The following DGKI variants were observed in gnomAD, a reference collection of about 807,000 sequenced individuals.
DGKI encodes the protein diacylglycerol kinase iota, also known as DAG kinase iota.
DGKI carries 55 observed loss-of-function variants against 147.5 expected under a neutral mutation model. The ratio of observed to expected loss-of-function variants is 0.37; its 90% CI spans 0.30 to 0.47. The LOEUF is 0.47. DGKI is among the 20% of genes least tolerant of loss of function. The pLI is 1.00. For missense variants in DGKI, 1,007 were observed against 1,323.8 expected (o/e 0.76, Z 3.71); for synonymous variants, 469 against 477.1 (o/e 0.98, Z 0.22).
intron 2 of DGKI, among the ~76,000 whole-genome samples, chr7:137,689,082 C>A (rs912174489): frequency 6.6e-6 from 1 of 152,218 alleles, no homozygotes; most frequent in Non-Finnish European, 1.5e-5. Flanking sequence ...CCCCACCCCA[C>A]CTTTCTCTTT....
intron 21 of DGKI, among the ~76,000 whole-genome samples, chr7:137,521,171 A>C (rs1700523804): frequency 6.6e-6 from 1 of 151,976 alleles, no homozygotes; most frequent in Non-Finnish European, 1.5e-5. Context: ...TTACCTCATA[A>C]ATTATTATAC....
intron 1 of DGKI, among the ~76,000 whole-genome samples, chr7:137,690,229 T>C (rs1023142515): frequency 1.3e-5 from 2 of 152,136 alleles, no homozygotes; most frequent in Admixed American, 1.3e-4. Flanking sequence ...TGTGGGGAAA[T>C]AGTGCTTCAG....
At chr7:137,754,911 C>A (rs915973905) in intron 1 of DGKI, among the ~76,000 whole-genome samples, 2 of 152,170 alleles carry the variant, frequency 1.3e-5, no homozygotes, top group African/African-American at 2.4e-5. Flanking sequence ...CGTGATGGAA[C>A]TTTCAGGGTT....
chr7:137,442,174 C>G (rs1418541024), intron 28 of DGKI, among the ~76,000 whole-genome samples: 1 of 151,988 alleles, frequency 6.6e-6, no homozygotes, highest in Non-Finnish European at 1.5e-5. Context: ...TTTTTGAAGC[C>G]ATGAAATTAT....
chr7:137,749,710 G>A (rs1002521866), intron 1 of DGKI, among the ~76,000 whole-genome samples: 5 of 152,000 alleles, frequency 3.3e-5, no homozygotes, highest in Admixed American at 6.6e-5. Flanking sequence ...GAGGAATCAG[G>A]GTCCCTGAGT....
chr7:137,437,683 C>T (rs559770574), intron 28 of DGKI, among the ~76,000 whole-genome samples: 14 of 152,234 alleles, frequency 9.2e-5, no homozygotes, highest in African/African-American at 3.1e-4. Flanking sequence ...AACCAAGTCA[C>T]TCCCAAAGGA....
At chr7:137,516,261 C>G (rs1273289610) in intron 21 of DGKI, among the ~76,000 whole-genome samples, 2 of 152,060 alleles carry the variant, frequency 1.3e-5, no homozygotes, top group African/African-American at 4.8e-5. Flanking sequence ...AGGAAATATG[C>G]TGATGAAAAA....
intron 3 of DGKI, among the ~76,000 whole-genome samples, chr7:137,671,398 A>G (rs972418284): frequency 6.6e-6 from 1 of 152,196 alleles, no homozygotes; most frequent in African/African-American, 2.4e-5. Context: ...CAGCAGCAAA[A>G]TGACAGGTGA....
chr7:137,593,112 A>G (rs542379206), intron 12 of DGKI, among the ~76,000 whole-genome samples: 1 of 152,336 alleles, frequency 6.6e-6, no homozygotes, highest in East Asian at 1.9e-4. Context: ...CAATAGAACA[A>G]GAAATAAGCA....
At chr7:137,713,875 C>T (rs749630236) in intron 1 of DGKI, among the ~76,000 whole-genome samples, 4 of 152,138 alleles carry the variant, frequency 2.6e-5, no homozygotes, top group African/African-American at 9.7e-5. Flanking sequence ...CTGGCCTCAA[C>T]TTATCCTCCC....
intron 1 of DGKI, among the ~76,000 whole-genome samples, chr7:137,782,225 T>C (rs1585484912): frequency 1.3e-5 from 2 of 152,094 alleles, no homozygotes; most frequent in African/African-American, 4.8e-5. Context: ...ACTGGCTGCC[T>C]GGAAATAGAC....
intron 5 of DGKI, among the ~76,000 whole-genome samples, chr7:137,646,741 T>C (rs1050557862): frequency 6.6e-6 from 1 of 152,176 alleles, no homozygotes; most frequent in Admixed American, 6.5e-5. Flanking sequence ...GAATATATAT[T>C]CAATTATTCA....
intron 22 of DGKI, among the ~76,000 whole-genome samples, chr7:137,485,837 G>C (rs6951059): frequency 0.12 from 17,573 of 152,058 alleles, 1,160 homozygotes; most frequent in African/African-American, 0.19. Context: ...CCTCAGACCA[G>C]ATACATACTG....
intron 1 of DGKI, among the ~76,000 whole-genome samples, chr7:137,707,011 G>A (rs916026579): frequency 5.9e-5 from 9 of 152,164 alleles, no homozygotes; most frequent in Admixed American, 4.6e-4. Context: ...TTTTCCAACA[G>A]CTATTTCCCC....
chr7:137,482,528 A>G (rs1815408328), intron 23 of DGKI, among the ~76,000 whole-genome samples: 2 of 151,846 alleles, frequency 1.3e-5, no homozygotes, highest in African/African-American at 4.8e-5. Flanking sequence ...ATATTCGTAT[A>G]CCCAACTGCC....
chr7:137,406,205 A>C (rs1811941446), intron 30 of DGKI, among the ~76,000 whole-genome samples: 1 of 152,248 alleles, frequency 6.6e-6, no homozygotes, highest in African/African-American at 2.4e-5. Flanking sequence ...ACCTGAGCTA[A>C]ACAAAAATAA....
rs987734478 is a variant in DGKI at position 137,390,856 on chromosome 7, A to C, written c.*364T>G. The C allele has an allele frequency of 8.5e-6, 2 of 234,804 alleles. No homozygotes were observed. The highest frequency in any genetic ancestry group is 2.3e-5 in the African/African-American group (1 of 42,562). The allele number at this position is 234,804 out of a possible 1,614,324, so 14.5% of individuals were successfully genotyped here. On this transcript the variant is annotated 3_prime_UTR_variant, in exon 33 of 33. Transcript: ENST00000614521. ...AGAATTGTATGGTACAGGGAAAAAA[A>C]CCAATGCATAGGGGGAGGATGGAGC...
chr7:137,766,080 A>T (rs1472138194), intron 1 of DGKI, among the ~76,000 whole-genome samples: 1 of 152,210 alleles, frequency 6.6e-6, no homozygotes, highest in Non-Finnish European at 1.5e-5. Flanking sequence ...TCATTTACAG[A>T]TGAAGATAAG....
chr7:137,638,726 A>C (rs992834428), intron 6 of DGKI, among the ~76,000 whole-genome samples: 30 of 148,898 alleles, frequency 2.0e-4, no homozygotes, highest in African/African-American at 6.6e-4. Flanking sequence ...ACATATATAC[A>C]CATTACATAT....
Sources: gnomAD v4.1 joint callset for allele counts (sites outside exome capture counted in the v4.1 genomes callset) on GRCh38, gnomAD v4.1.1 for gene constraint, MANE v1.5 for transcripts, NCBI Gene and HGNC (gene_info 2026-07-23, HGNC 2026-07-21) for gene names.